Variants in RBM5 observed in about 807,000 individuals in gnomAD.
RBM5 encodes RNA-binding protein 5.
Under a neutral mutation model 124.6 loss-of-function variants are expected in RBM5, and 15 were observed. The ratio of observed to expected loss-of-function variants is 0.12; its 90% CI spans 0.08 to 0.19. The LOEUF (loss-of-function observed/expected upper bound fraction) is 0.19, where lower values mean the gene tolerates loss of function less well. Ranked by LOEUF, RBM5 falls within the 10% of genes least tolerant of loss-of-function variation. The probability of loss-of-function intolerance (pLI) is 1.00; values close to 1 mark genes in which losing one functional copy is unlikely to be tolerated. For synonymous variants in RBM5, 337 were observed against 361.2 expected (o/e 0.93, Z 0.76); for missense variants, 580 against 1,026.5 (o/e 0.57, Z 5.94).
Position 50,100,470 on chromosome 3 carries a change from C to G in RBM5, c.410-62C>G, listed in dbSNP as rs553508183. The G allele has an allele frequency of 5.8e-6, 8 of 1,374,972 alleles. No individual in the cohort carries two copies. Among genetic ancestry groups the G allele is most frequent in the African/African-American group, 5.7e-5 (4 of 70,054 alleles). 85.2% of individuals were successfully genotyped at this position (1,374,972 alleles called of 1,614,324 possible). A position where few individuals can be genotyped will look rare whatever the true frequency, so the allele number is the denominator to read the frequency against. The stretch of plus-strand genomic sequence containing the variant: ...GTGTTGAAGCAGTGGGAGAGAGATT[C>G]ACCTGTTATAAAGGAACTGACTAAC... On this transcript the variant is annotated intron_variant, in intron 5 of 24. Transcript: ENST00000347869. This position sits in a 1 kb window ranked among gnomAD's most constrained non-coding sequence, Gnocchi z 5.1.
At chr3:50,089,168 A>C (rs895819557) in intron 1 of RBM5, 139 bp downstream of exon 1, 3 of 152,436 alleles carry the variant, frequency 2.0e-5, no homozygotes, top group Non-Finnish European at 4.4e-5. Context: ...CAGGCGTTGG[A>C]GGGCCGCGCC....
rs1342616824 is a variant in RBM5 at position 50,093,708 on chromosome 3, A to G, written c.184-12A>G. The stretch of plus-strand genomic sequence containing the variant: ...GGTGATGTTAATTGTGATTTTGTTT[A>G]TTGTAACTCAGAGAGAGCGTGAAAG... On this transcript the variant is annotated splice_polypyrimidine_tract_variant and intron_variant, in intron 3 of 24. Transcript: ENST00000347869. 6.2e-7 allele frequency: 1 copy of G among 1,609,682 alleles called. No homozygotes were observed. The highest frequency in any genetic ancestry group is 8.5e-7 in the Non-Finnish European group (1 of 1,176,480).
rs551484032 is a variant in RBM5 at position 50,103,895 on chromosome 3, C to A, written c.568-353C>A. ...GTCCCCTGTCCAGTAGGGGACTAGA[C>A]AGTGGTTAGTTTACCTTGTGTTTGT... is the stretch of plus-strand genomic sequence containing the variant. On this transcript the variant is annotated intron_variant, in intron 7 of 24. Transcript: ENST00000347869. 2.0e-5 allele frequency among the ~76,000 whole-genome samples: 3 copies of A among 152,254 alleles called. No individual in the cohort carries two copies. The South Asian group carries it at 6.2e-4, about 32-fold the overall frequency.
chr3:50,110,289 G>A, intron 15 of RBM5, 90 bp from the exon 16 acceptor site: 1 of 1,079,988 alleles, frequency 9.3e-7, no homozygotes, highest in South Asian at 1.4e-5. Context: ...TGTCTGTCAG[G>A]GGAGCCCTTC....
In RBM5 at chr3:50,114,160, G is replaced by A. The variant is rs778298903; in HGVS notation, c.1768-20G>A. ...ACTTACCTAAAACTTGAGTCTCATG[G>A]CTTGTCCTCTGTTTCCCAGGGAGCC... On this transcript the variant is annotated intron_variant, in intron 19 of 24. Coordinates refer to ENST00000347869, the MANE Select transcript of RBM5 (RefSeq NM_005778.4). 2 of 1,614,102 alleles carry A rather than the reference G, an allele frequency of 1.2e-6. No homozygotes were observed. Among genetic ancestry groups the A allele is most frequent in the Non-Finnish European group, 1.7e-6 (2 of 1,180,020 alleles).
chr3:50,099,681 G>A (rs2090898569), intron 4 of RBM5: 1 of 179,920 alleles, frequency 5.6e-6, no homozygotes. Flanking sequence ...CTGGGTGACA[G>A]AGCGAGACTC....
intron 10 of RBM5, among the ~76,000 whole-genome samples, chr3:50,106,414 G>A (rs1043684911): frequency 1.1e-4 from 16 of 151,850 alleles, no homozygotes; most frequent in Admixed American, 3.9e-4. Context: ...GAGCCACCGC[G>A]CCCAGCCACG....
rs752966196 is a variant in RBM5, at chr3:50,117,052, C to G, written c.2095-22C>G. On this transcript the variant is annotated intron_variant, in intron 22 of 24. Transcript: ENST00000347869. This position sits in a 1 kb window ranked among gnomAD's most constrained non-coding sequence, Gnocchi z 4.2. ...GGTTGAAGTCTGTGAACATTTCCAG[C>G]AGTGTTTTTTCTCCCATGTAGATGA... 3 of 1,597,794 alleles carry G rather than the reference C, an allele frequency of 1.9e-6. No homozygotes were observed. The highest frequency in any genetic ancestry group is 2.6e-6 in the Non-Finnish European group (3 of 1,165,244).
In RBM5 at chr3:50,117,610, G is replaced by A. The variant is rs1269500452; in HGVS notation, c.2322+231G>A. On this transcript the variant is annotated intron_variant, in intron 24 of 24. Coordinates refer to ENST00000347869, the MANE Select transcript of RBM5 (RefSeq NM_005778.4). The surrounding 1 kb of genome is among the most constrained non-coding windows in gnomAD (Gnocchi z 4.2). ...AGCCTGGGCAACACGGTGAAACCCC[G>A]TCTCTACTAAAATACAAAATATTAA... 8.8e-6 allele frequency: 4 copies of A among 455,926 alleles called. No homozygotes were observed. The highest frequency in any genetic ancestry group is 3.0e-5 in the South Asian group (1 of 33,714). 28.2% of individuals were successfully genotyped at this position (455,926 alleles called of 1,614,324 possible). A position where few individuals can be genotyped will look rare whatever the true frequency, so the allele number is the denominator to read the frequency against.
chr3:50,112,284 C>T (rs763116388), intron 17 of RBM5, among the ~76,000 whole-genome samples: 2 of 149,988 alleles, frequency 1.3e-5, no homozygotes, highest in Non-Finnish European at 1.5e-5. Flanking sequence ...AGCGTGGTGT[C>T]GAATGCCTGT....
rs1470725052 is a variant in RBM5 at position 50,103,172 on chromosome 3, CA to C, written c.567+7del. ...AAGATTGGCTTTGTAACAAGGTAAG[CA>C]TATGTTCTTCCCAAATAGACAAAAC... On this transcript the variant is annotated splice_region_variant and intron_variant, in intron 7 of 24. Transcript: ENST00000347869. 6.3e-7 allele frequency: 1 copy of C among 1,595,320 alleles called. No individual in the cohort carries two copies. The highest frequency in any genetic ancestry group is 8.6e-7 in the Non-Finnish European group (1 of 1,163,334).
chr3:50,098,818 G>GCTCATCTTGC (rs1174871846), intron 4 of RBM5, among the ~76,000 whole-genome samples: 1 of 152,062 alleles, frequency 6.6e-6, no homozygotes, highest in Non-Finnish European at 1.5e-5. Context: ...GTGCTCAAGC[G>GCTCATCTTGC]CTCATCTTGC....
At position 50,115,950 on chromosome 3, in the gene RBM5, G is replaced by C; in HGVS notation, c.2064G>C (p.Glu688Asp). The change falls in exon 22 of 25, where the codon GAG becomes GAC. Residue 688 changes from glutamate to aspartate, a missense_variant. Physicochemically the swap from Glu to Asp is conservative, Grantham distance 45. Transcript: ENST00000347869. The stretch of plus-strand genomic sequence containing the variant: ...GACGATCCAGGCTGAGCGAGCAGGA[G>C]CTGGAAGCCTTGGAGCTAAGGGAGA... ...IYRRSRLSEQ[E>D]LEALELRERE... 6.2e-7 allele frequency: 1 copy of C among 1,614,042 alleles called. No individual in the cohort carries two copies. The highest frequency in any genetic ancestry group is 8.5e-7 in the Non-Finnish European group (1 of 1,179,866).
Position 50,115,559 on chromosome 3 carries a change from G to C in RBM5, c.1971G>C (p.Pro657=). The C allele has an allele frequency of 6.2e-7, 1 of 1,613,424 alleles. No individual in the cohort carries two copies. The highest frequency in any genetic ancestry group is 8.5e-7 in the Non-Finnish European group (1 of 1,179,854). The change falls in exon 21 of 25, where the codon CCG becomes CCC. Residue 657 remains proline (P), a synonymous_variant. Coordinates refer to ENST00000347869, the MANE Select transcript of RBM5 (RefSeq NM_005778.4). ...MACLLCRRQF[P]NKDALVRHQQ... ...GTCTGCTCTGCCGGCGCCAGTTCCC[G>C]AACAAAGATGCCCTAGTCAGGCACC...
chr3:50,092,621 C>A, intron 3 of RBM5: 1 of 343,896 alleles, frequency 2.9e-6, no homozygotes, highest in South Asian at 2.3e-5. Flanking sequence ...TCACCATGTA[C>A]TTTTGAGCAC....
chr3:50,104,213 T>G, intron 7 of RBM5, 35 bp from the exon 8 acceptor site: 2 of 1,583,334 alleles, frequency 1.3e-6, no homozygotes, highest in Non-Finnish European at 1.7e-6. Context: ...TGGCCTAATG[T>G]GAGAAATAAT....
chr3:50,092,301 C>G (rs1575932090), intron 3 of RBM5, 93 bp downstream of exon 3: 1 of 1,372,910 alleles, frequency 7.3e-7, no homozygotes, highest in Non-Finnish European at 9.8e-7. Context: ...GTGGCCCCTT[C>G]CCATAATCCT....
Position 50,109,692 on chromosome 3 carries a change from A to G in RBM5, c.1278+4A>G. The G allele has an allele frequency of 6.2e-7, 1 of 1,610,240 alleles. No individual in the cohort carries two copies. Among genetic ancestry groups the G allele is most frequent in the Non-Finnish European group, 8.5e-7 (1 of 1,176,478 alleles). ...CTCCAATCCACCTGGCTCTCCGGTA[A>G]TCCTGTTGTCCTATATACAAAACTC... On this transcript the variant is annotated splice_donor_region_variant and intron_variant, in intron 15 of 24. Transcript: ENST00000347869.
chr3:50,103,552 A>G (rs1194003976), intron 7 of RBM5, among the ~76,000 whole-genome samples: 1 of 152,186 alleles, frequency 6.6e-6, no homozygotes, highest in Admixed American at 6.5e-5. Context: ...AGGTTGAGGC[A>G]GGAAAATCTC....
Sources: allele counts gnomAD v4.1 joint callset (sites outside exome capture counted in the v4.1 genomes callset), GRCh38; gene constraint gnomAD v4.1.1; non-coding constraint Gnocchi (gnomAD v3.1); transcripts MANE v1.5; gene names NCBI Gene and HGNC (gene_info 2026-07-23, HGNC 2026-07-21).